Variants in GRIA1 observed in about 807,000 individuals in gnomAD.
The protein encoded by GRIA1 is glutamate receptor 1.
GRIA1 carries 31 observed loss-of-function variants against 99.2 expected under a neutral mutation model. The ratio of observed to expected loss-of-function variants is 0.31; its 90% confidence interval spans 0.23 to 0.42. GRIA1 has a LOEUF of 0.42. GRIA1 is among the 10% of genes least tolerant of loss of function. The pLI, the probability that GRIA1 is intolerant of heterozygous loss-of-function variation, is 1.00. For missense variants in GRIA1, 782 were observed against 1,157.5 expected (o/e 0.68, Z 4.71); for synonymous variants, 438 against 432.4 (o/e 1.01, Z -0.16).
intron 2 of GRIA1, among the ~76,000 whole-genome samples, chr5:153,599,365 G>T (rs1278516103): frequency 6.6e-6 from 1 of 152,202 alleles, no homozygotes; most frequent in Non-Finnish European, 1.5e-5. Context: ...TATCCTAAAA[G>T]ATCACAATCT....
At chr5:153,556,561 G>T (rs1760664131) in intron 2 of GRIA1, among the ~76,000 whole-genome samples, 1 of 152,146 alleles carries the variant, frequency 6.6e-6, no homozygotes, top group African/African-American at 2.4e-5. Flanking sequence ...ACCAATATTT[G>T]TTGCAAGAAT....
At chr5:153,723,579 C>A (rs1401858824) in intron 11 of GRIA1, among the ~76,000 whole-genome samples, 1 of 152,214 alleles carries the variant, frequency 6.6e-6, no homozygotes, top group East Asian at 1.9e-4. Context: ...AAACGGCGCA[C>A]CAGGAGATTA....
chr5:153,619,294 C>G (rs76004666), intron 2 of GRIA1, among the ~76,000 whole-genome samples: 84 of 152,250 alleles, frequency 5.5e-4, no homozygotes, highest in Non-Finnish European at 1.1e-3. Flanking sequence ...TAGGAAGCCC[C>G]AAACTTATCC....
chr5:153,489,713 C>A, upstream of GRIA1: 1 of 447,350 alleles, frequency 2.2e-6, no homozygotes, highest in South Asian at 1.6e-5. Context: ...CAGCAGAAGC[C>A]CTGGTCTAGG....
At chr5:153,598,842 A>C (rs1667590864) in intron 2 of GRIA1, among the ~76,000 whole-genome samples, 1 of 152,026 alleles carries the variant, frequency 6.6e-6, no homozygotes, top group Non-Finnish European at 1.5e-5. Flanking sequence ...AGGTTTAATA[A>C]AGCTTCCGTG....
chr5:153,699,129 AATC>A (rs1340002484), intron 10 of GRIA1, 56 bp downstream of exon 10: 2 of 1,290,396 alleles, frequency 1.5e-6, no homozygotes, highest in African/African-American at 2.9e-5. Flanking sequence ...TTTGACAGGA[AATC>A]ATTTGGTGGT....
chr5:153,613,895 G>T (rs1349542520), intron 2 of GRIA1, among the ~76,000 whole-genome samples: 1 of 152,094 alleles, frequency 6.6e-6, no homozygotes, highest in Non-Finnish European at 1.5e-5. Flanking sequence ...TCCCCCATCA[G>T]CCCTTGCACG....
intron 11 of GRIA1, 39 bp from the exon 12 acceptor site, chr5:153,764,395 A>T (rs1763378129): frequency 4.0e-6 from 6 of 1,517,426 alleles, no homozygotes; most frequent in Non-Finnish European, 5.5e-6. Flanking sequence ...TCCACAGTTG[A>T]TGTCCATGCT....
intron 12 of GRIA1, among the ~76,000 whole-genome samples, chr5:153,769,255 T>TA (rs1763720981): frequency 6.6e-6 from 1 of 152,130 alleles, no homozygotes; most frequent in African/African-American, 2.4e-5. Context: ...GGACAATTCC[T>TA]AAAAAAGATG....
rs372587848 is a variant in GRIA1, at chr5:153,733,759, G to A, written c.1823+27692G>A. 3.2e-4 allele frequency among the ~76,000 whole-genome samples: 48 copies of A among 152,162 alleles called. 1 individual carries two copies. The South Asian group carries it at 9.8e-3, about 31-fold the overall frequency. ...CTTTAAGTCATAAATTGTAACAACA[G>A]ACAAAGGGCATCATTATATAATGAT... On this transcript the variant is annotated intron_variant, in intron 11 of 15. Transcript: ENST00000285900.
intron 5 of GRIA1, among the ~76,000 whole-genome samples, chr5:153,670,648 T>C (rs1191205476): frequency 6.6e-6 from 1 of 152,104 alleles, no homozygotes; most frequent in African/African-American, 2.4e-5. Flanking sequence ...AAAAATGTTC[T>C]AATTACCAAA....
intron 11 of GRIA1, among the ~76,000 whole-genome samples, chr5:153,731,796 G>A (rs1385840331): frequency 2.6e-5 from 4 of 152,086 alleles, no homozygotes; most frequent in Admixed American, 2.6e-4. Context: ...TTTCAAGTAT[G>A]CAATGCATTA....
At chr5:153,780,998 G>A (rs1384779841) in intron 13 of GRIA1, among the ~76,000 whole-genome samples, 1 of 152,146 alleles carries the variant, frequency 6.6e-6, no homozygotes, top group African/African-American at 2.4e-5. Context: ...AGGGCAGGCA[G>A]AAAGGAAGGA....
In GRIA1 at chr5:153,807,523, C is replaced by T. The variant is rs146252755; in HGVS notation, c.2521-3502C>T. On this transcript the variant is annotated intron_variant, in intron 15 of 15. Coordinates refer to ENST00000285900, the MANE Select transcript of GRIA1 (RefSeq NM_000827.4). ...AAGAATTAAGCAGGAAAATGAATTGCCAGCCATACACAAGTGTCAGAGACC... is the reference window on the plus strand; with the variant it reads ...AAGAATTAAGCAGGAAAATGAATTGTCAGCCATACACAAGTGTCAGAGACC... Among the ~76,000 whole-genome samples, 579 of 152,218 alleles carry T rather than the reference C, an allele frequency of 3.8e-3. 7 individuals carry two copies. Among genetic ancestry groups the T allele is most frequent in the African/African-American group, 0.013 (544 of 41,534 alleles).
chr5:153,500,534 A>G (rs1754896774), intron 2 of GRIA1, among the ~76,000 whole-genome samples: 1 of 150,444 alleles, frequency 6.6e-6, no homozygotes. Context: ...TCAGGTTCTT[A>G]TAAAGGAAAT....
intron 2 of GRIA1, among the ~76,000 whole-genome samples, chr5:153,540,339 G>T (rs1312211443): frequency 6.6e-6 from 1 of 152,196 alleles, no homozygotes; most frequent in Non-Finnish European, 1.5e-5. Context: ...GTCTGGCTTG[G>T]ATTAACTCTT....
chr5:153,626,442 GTC>G lies in GRIA1; in HGVS notation c.221-20484_221-20483del, dbSNP rs1383657179. Among the ~76,000 whole-genome samples the G allele has an allele frequency of 2.3e-3, 258 of 111,870 alleles. 2 individuals carry two copies. The highest frequency in any genetic ancestry group is 7.8e-3 in the African/African-American group (221 of 28,374). 73.4% of individuals were successfully genotyped at this position (111,870 alleles called of 152,430 possible). A position where few individuals can be genotyped will look rare whatever the true frequency, so the allele number is the denominator to read the frequency against. ...ACAAATCTAGTCTCTGTGTGTGTGT[GTC>G]TGTGTGTGTGTGTGTGTGTGTGTGT... On this transcript the variant is annotated intron_variant, in intron 2 of 15. Coordinates refer to ENST00000285900, the MANE Select transcript of GRIA1 (RefSeq NM_000827.4).
chr5:153,541,834 G>A (rs991446518), intron 2 of GRIA1, among the ~76,000 whole-genome samples: 5 of 148,916 alleles, frequency 3.4e-5, no homozygotes, highest in African/African-American at 1.2e-4. Flanking sequence ...AGAGGCTGAG[G>A]CAGGAGAATC....
chr5:153,586,029 AT>A (rs1763455925), intron 2 of GRIA1, among the ~76,000 whole-genome samples: 1 of 152,098 alleles, frequency 6.6e-6, no homozygotes, highest in African/African-American at 2.4e-5. Context: ...GACCTTTACT[AT>A]GGCTGATTCA....
Sources: allele counts gnomAD v4.1 joint callset (sites outside exome capture counted in the v4.1 genomes callset), GRCh38; gene constraint gnomAD v4.1.1; transcripts MANE v1.5; gene names NCBI Gene and HGNC (gene_info 2026-07-23, HGNC 2026-07-21).